Variants in CSMD3 observed in about 807,000 individuals in gnomAD.
CSMD3 encodes the protein CUB and sushi domain-containing protein 3.
Under a neutral mutation model 435.2 loss-of-function variants are expected in CSMD3, and 177 were observed. That is an observed-to-expected ratio of 0.41 (90% CI 0.36 to 0.46). CSMD3 has a LOEUF of 0.46. Among genes scored for constraint, CSMD3 ranks in the 20% least tolerant of loss-of-function variants. The pLI is 0.34. For synonymous variants in CSMD3, 1,656 were observed against 1,520.5 expected (o/e 1.09, Z -2.07); for missense variants, 4,265 against 4,504.6 (o/e 0.95, Z 1.52).
chr8:113,377,149 G>T (rs931759846), intron 1 of CSMD3: 5 of 1,250,966 alleles, frequency 4.0e-6, no homozygotes, highest in South Asian at 2.9e-5. Flanking sequence ...GGGCCGAGGG[G>T]TGTACGCCCC....
intron 5 of CSMD3, among the ~76,000 whole-genome samples, chr8:113,055,314 C>T (rs1296274882): frequency 1.3e-5 from 2 of 152,130 alleles, no homozygotes; most frequent in African/African-American, 2.4e-5. Context: ...CCGCGCCCGG[C>T]CTTGAGAAGT....
At chr8:112,853,578 G>T (rs2080558481) in intron 11 of CSMD3, among the ~76,000 whole-genome samples, 7 of 152,102 alleles carry the variant, frequency 4.6e-5, no homozygotes, top group Admixed American at 4.6e-4. Flanking sequence ...CTTTCTTTGA[G>T]ATCTTTCAGT....
Position 112,287,199 on chromosome 8 carries a change from A to G in CSMD3, c.9196T>C (p.Ser3066Pro). The change falls in exon 58 of 71, where the codon TCT becomes CCT. Residue 3066 changes from serine to proline, a missense_variant. Around this residue, in one of 3 missense-constraint regions of CSMD3, gnomAD observed 3,255 missense variants for 3,380.2 expected, o/e 0.96. Transcript: ENST00000297405. Reference protein sequence around the residue: ...CGDPGTPGHGSRQESNFRTKS... With the variant: ...CGDPGTPGHGPRQESNFRTKS... The stretch of plus-strand genomic sequence containing the variant: ...GTTCTGAAATTGCTTTCCTGTCTAG[A>G]GCCATGGCCGGGAGTACCTGGATCG... The G allele has an allele frequency of 6.2e-7, 1 of 1,613,764 alleles. No homozygotes were observed. Among genetic ancestry groups the G allele is most frequent in the East Asian group, 2.2e-5 (1 of 44,862 alleles).
intron 35 of CSMD3, among the ~76,000 whole-genome samples, chr8:112,392,640 G>A (rs752584715): frequency 2.7e-5 from 4 of 150,106 alleles, no homozygotes; most frequent in East Asian, 3.9e-4. Flanking sequence ...CATCGCCACC[G>A]CCACAACTTT....
At chr8:112,563,300 C>T (rs971673882) in intron 24 of CSMD3, among the ~76,000 whole-genome samples, 2 of 151,680 alleles carry the variant, frequency 1.3e-5, no homozygotes, top group African/African-American at 4.8e-5. Flanking sequence ...GAAGACAATC[C>T]CTTCCAGTTT....
intron 23 of CSMD3, among the ~76,000 whole-genome samples, chr8:112,584,679 T>A (rs1187521458): frequency 6.6e-6 from 1 of 151,680 alleles, no homozygotes; most frequent in African/African-American, 2.4e-5. Flanking sequence ...TACAAGACAG[T>A]GTCATTCCAA....
intron 28 of CSMD3, among the ~76,000 whole-genome samples, chr8:112,508,031 G>A (rs569224001): frequency 5.9e-5 from 9 of 152,098 alleles, no homozygotes; most frequent in African/African-American, 1.2e-4. Flanking sequence ...AAGCTTAAAT[G>A]CCTCCTGAAT....
At chr8:112,836,437 A>C (rs942193094) in intron 11 of CSMD3, among the ~76,000 whole-genome samples, 5 of 151,842 alleles carry the variant, frequency 3.3e-5, no homozygotes, top group Admixed American at 6.6e-5. Context: ...GAGTTTCCTG[A>C]GATGGGTCCT....
At chr8:113,309,253 G>C (rs2093848396) in intron 2 of CSMD3, 1 of 151,736 alleles carries the variant, frequency 6.6e-6, no homozygotes, top group African/African-American at 2.4e-5. Flanking sequence ...TTTTATCTTG[G>C]ATTCAGAGAG....
At chr8:112,292,508 A>G (rs751954330) in intron 55 of CSMD3, 29 bp downstream of exon 55, 8 of 1,608,176 alleles carry the variant, frequency 5.0e-6, no homozygotes, top group Non-Finnish European at 6.8e-6. Flanking sequence ...TTATCATGCC[A>G]CCAAATGGGA....
intron 13 of CSMD3, among the ~76,000 whole-genome samples, chr8:112,709,603 G>A (rs957016132): frequency 6.6e-6 from 1 of 152,050 alleles, no homozygotes; most frequent in Non-Finnish European, 1.5e-5. Context: ...TAAAATTCTA[G>A]TCCTTTCTGA....
chr8:113,029,803 G>A (rs1389679258), intron 5 of CSMD3, among the ~76,000 whole-genome samples: 1 of 151,348 alleles, frequency 6.6e-6, no homozygotes, highest in African/African-American at 2.4e-5. Context: ...AAGAAATAAA[G>A]GGCATCCAAA....
At chr8:112,464,671 T>C (rs1009339478) in intron 32 of CSMD3, among the ~76,000 whole-genome samples, 3 of 152,102 alleles carry the variant, frequency 2.0e-5, no homozygotes, top group Non-Finnish European at 4.4e-5. Context: ...AAACTTATAA[T>C]GTAAAAATAT....
At chr8:112,312,213 T>C (rs1822041755) in intron 49 of CSMD3, among the ~76,000 whole-genome samples, 1 of 152,134 alleles carries the variant, frequency 6.6e-6, no homozygotes, top group South Asian at 2.1e-4. Flanking sequence ...TAAGCTCAAG[T>C]ATGAAAATTC....
At chr8:112,914,055 T>A (rs1460131303) in intron 10 of CSMD3, among the ~76,000 whole-genome samples, 3 of 151,888 alleles carry the variant, frequency 2.0e-5, no homozygotes, top group South Asian at 4.1e-4. Context: ...AATATCAATG[T>A]TATTAAATAA....
chr8:112,936,413 T>A (rs868344180), intron 9 of CSMD3, among the ~76,000 whole-genome samples: 25 of 152,082 alleles, frequency 1.6e-4, no homozygotes, highest in Admixed American at 2.6e-4. Context: ...TTTCACAAAA[T>A]TTACATATAC....
chr8:112,806,239 T>C (rs1165924991), intron 12 of CSMD3, among the ~76,000 whole-genome samples: 1 of 152,214 alleles, frequency 6.6e-6, no homozygotes, highest in Non-Finnish European at 1.5e-5. Context: ...GGCTATAGTA[T>C]AAGCTTTGGG....
intron 1 of CSMD3, among the ~76,000 whole-genome samples, chr8:113,381,607 C>T (rs1301670734): frequency 6.6e-6 from 1 of 152,004 alleles, no homozygotes; most frequent in Non-Finnish European, 1.5e-5. Flanking sequence ...CTTTAATGCC[C>T]ATGGTATGGT....
rs547267331 is a variant in CSMD3 at position 113,132,458 on chromosome 8, T to A, written c.710-33495A>T. The stretch of plus-strand genomic sequence containing the variant: ...TCATAATAAGTGAGTCGTCAGGAGA[T>A]CTGATGATTTAAAAGTGTGTGGCAC... On this transcript the variant is annotated intron_variant, in intron 4 of 70. Coordinates refer to ENST00000297405, the MANE Select transcript of CSMD3 (RefSeq NM_198123.2). 5.3e-5 allele frequency among the ~76,000 whole-genome samples: 8 copies of A among 150,662 alleles called. No individual in the cohort carries two copies. In the East Asian group the frequency reaches 1.2e-3, roughly 22 times the overall value.
Sources: allele counts gnomAD v4.1 joint callset (sites outside exome capture counted in the v4.1 genomes callset), GRCh38; gene constraint gnomAD v4.1.1; regional missense constraint gnomAD v4.1.1; transcripts MANE v1.5; gene names NCBI Gene and HGNC (gene_info 2026-07-23, HGNC 2026-07-21).